Variants in NUS1 observed in about 807,000 individuals in gnomAD.
The protein encoded by NUS1 is dehydrodolichyl diphosphate synthase complex subunit NUS1.
For synonymous variants in NUS1, 135 were observed against 155.2 expected (o/e 0.87, Z 0.97); for missense variants, 292 against 382.9 (o/e 0.76, Z 1.98).
At chr6:117,699,187 GA>G (rs1367075851) in intron 3 of NUS1, among the ~76,000 whole-genome samples, 1 of 152,090 alleles carries the variant, frequency 6.6e-6, no homozygotes, top group East Asian at 1.9e-4. Flanking sequence ...AAGGCATCCA[GA>G]TTGGAAAGGA....
Position 117,675,518 on chromosome 6 carries a change from G to T in NUS1, c.-153G>T. The T allele has an allele frequency of 1.4e-6, 1 of 702,528 alleles. No homozygotes were observed. Among genetic ancestry groups the T allele is most frequent in the Non-Finnish European group, 2.3e-6 (1 of 426,884 alleles). 43.5% of individuals were successfully genotyped at this position (702,528 alleles called of 1,614,324 possible). A position where few individuals can be genotyped will look rare whatever the true frequency, so the allele number is the denominator to read the frequency against. The stretch of plus-strand genomic sequence containing the variant: ...AGGGAGGAGGAAGATGGCGGCGGGG[G>T]CGAGGTGAGGTGTTGGCAGTGGAAA... On this transcript the variant is annotated 5_prime_UTR_variant, in exon 1 of 5. Transcript: ENST00000368494.
intron 3 of NUS1, among the ~76,000 whole-genome samples, chr6:117,700,204 C>T (rs1245862437): frequency 1.3e-5 from 2 of 152,074 alleles, no homozygotes; most frequent in African/African-American, 4.8e-5. Flanking sequence ...AGTGAAAAGA[C>T]AACACAGAAT....
chr6:117,693,971 C>A, intron 2 of NUS1, 60 bp from the exon 3 acceptor site: 1 of 1,543,488 alleles, frequency 6.5e-7, no homozygotes, highest in Non-Finnish European at 8.7e-7. Context: ...CTTAAAACTG[C>A]TTTTGAAATA....
Position 117,675,843 on chromosome 6 carries a change from A to C in NUS1, c.173A>C (p.Lys58Thr), listed in dbSNP as rs776007045. The part of the protein sequence containing the change: ...VLAPLGFTLR[K>T]PPAVGRNRRH... ...GCGCCGCTCGGCTTCACGCTCCGCA[A>C]GCCCCCGGCAGTCGGCAGGAACCGC... Residue 58 changes from lysine to threonine, a missense_variant, in exon 1 of 5, where the codon AAG becomes ACG. Transcript: ENST00000368494. 6.5e-7 allele frequency: 1 copy of C among 1,540,328 alleles called. No homozygotes were observed. The highest frequency in any genetic ancestry group is 1.2e-5 in the South Asian group (1 of 83,418).
At chr6:117,706,280 G>A (rs1773500403) in intron 4 of NUS1, among the ~76,000 whole-genome samples, 1 of 152,162 alleles carries the variant, frequency 6.6e-6, no homozygotes, top group Non-Finnish European at 1.5e-5. Context: ...TTTCTAGGTT[G>A]CTCACAACAT....
intron 1 of NUS1, among the ~76,000 whole-genome samples, chr6:117,689,622 C>T (rs1582469047): frequency 6.6e-6 from 1 of 151,704 alleles, no homozygotes; most frequent in Admixed American, 6.6e-5. Flanking sequence ...AGTGTAGTGG[C>T]ATGATCATAG....
At chr6:117,676,229 T>G in intron 1 of NUS1, 144 bp downstream of exon 1, 3 of 1,263,452 alleles carry the variant, frequency 2.4e-6, no homozygotes, top group Non-Finnish European at 3.3e-6. Context: ...GGAGATCAGC[T>G]TTATTGAACA....
At chr6:117,677,060 T>C (rs1289342716) in intron 1 of NUS1, among the ~76,000 whole-genome samples, 1 of 152,170 alleles carries the variant, frequency 6.6e-6, no homozygotes, top group African/African-American at 2.4e-5. Flanking sequence ...TGTCCTCTCA[T>C]ATGTTTTGAT....
chr6:117,682,844 G>T (rs1010628683), intron 1 of NUS1, among the ~76,000 whole-genome samples: 1 of 152,118 alleles, frequency 6.6e-6, no homozygotes, highest in East Asian at 1.9e-4. Flanking sequence ...AGAATGTGAC[G>T]ACAGTAGTCA....
chr6:117,691,667 TTTAA>T (rs1052672696), intron 1 of NUS1, among the ~76,000 whole-genome samples: 20 of 147,232 alleles, frequency 1.4e-4, no homozygotes, highest in African/African-American at 5.0e-4. Context: ...ATTATATATA[TTTAA>T]TATTTATTGA....
At chr6:117,679,028 TAG>T (rs1197517439) in intron 1 of NUS1, among the ~76,000 whole-genome samples, 1 of 152,184 alleles carries the variant, frequency 6.6e-6, no homozygotes, top group African/African-American at 2.4e-5. Flanking sequence ...TATTTCTAGA[TAG>T]ATATTTAACT....
chr6:117,686,852 ATGTGTGTG>A (rs56080181), intron 1 of NUS1, among the ~76,000 whole-genome samples: 56,029 of 139,128 alleles, frequency 0.4, 12,601 homozygotes, highest in Non-Finnish European at 0.54. Flanking sequence ...TGAAGTGTGT[ATGTGTGTG>A]TGTGTGTGTG....
chr6:117,692,210 T>C (rs1242381104), intron 1 of NUS1, among the ~76,000 whole-genome samples: 1 of 152,098 alleles, frequency 6.6e-6, no homozygotes, highest in East Asian at 1.9e-4. Flanking sequence ...TATATTAGCC[T>C]GTGTTCTCTC....
chr6:117,676,062 A>G lies in NUS1; in HGVS notation c.392A>G (p.Tyr131Cys), dbSNP rs775596187. 5.2e-6 allele frequency: 8 copies of G among 1,550,656 alleles called. No homozygotes were observed. Among genetic ancestry groups the G allele is most frequent in the Non-Finnish European group, 7.0e-6 (8 of 1,147,206 alleles). ...TGGTGTATGGCCGTGGGCATCTCCTACATTAGCGTCTACGACCACCAAGGT... is the reference window on the plus strand; with the variant it reads ...TGGTGTATGGCCGTGGGCATCTCCTGCATTAGCGTCTACGACCACCAAGGT... ...VVWCMAVGISYISVYDHQGIF... is the reference protein window; with the variant it reads ...VVWCMAVGISCISVYDHQGIF... Residue 131 changes from tyrosine to cysteine, a missense_variant, in exon 1 of 5, where the codon TAC becomes TGC. Coordinates refer to ENST00000368494, the MANE Select transcript of NUS1 (RefSeq NM_138459.5).
intron 3 of NUS1, among the ~76,000 whole-genome samples, chr6:117,696,473 A>G (rs755398365): frequency 6.6e-5 from 10 of 152,148 alleles, no homozygotes; most frequent in Non-Finnish European, 1.5e-4. Flanking sequence ...TTTAATAATC[A>G]AACTATGAAA....
rs80274085 is a variant in NUS1, at chr6:117,697,005, A to C, written c.691+2825A>C. Among the ~76,000 whole-genome samples, 113 of 152,262 alleles carry C rather than the reference A, an allele frequency of 7.4e-4. 2 individuals carry two copies. The East Asian group carries it at 0.019, about 25-fold the overall frequency. On this transcript the variant is annotated intron_variant, in intron 3 of 4. Transcript: ENST00000368494. ...ACAAATAAAAACAACAGAAAGTTTT[A>C]AAATGGGGAGATGAATGTAAAGTAT... is the stretch of plus-strand genomic sequence containing the variant.
At chr6:117,684,473 GTAGC>G (rs1252845192) in intron 1 of NUS1, among the ~76,000 whole-genome samples, 6 of 152,172 alleles carry the variant, frequency 3.9e-5, no homozygotes, top group Non-Finnish European at 7.3e-5. Context: ...GATTACTGTA[GTAGC>G]CTCCTAATTG....
intron 3 of NUS1, among the ~76,000 whole-genome samples, chr6:117,696,823 T>C (rs1773327711): frequency 6.6e-6 from 1 of 152,120 alleles, no homozygotes; most frequent in African/African-American, 2.4e-5. Flanking sequence ...CAATAAATCA[T>C]CTGAAGGTAC....
chr6:117,687,896 A>T (rs1325361109), intron 1 of NUS1, among the ~76,000 whole-genome samples: 2 of 152,106 alleles, frequency 1.3e-5, no homozygotes, highest in Admixed American at 1.3e-4. Context: ...GGGGGCAGGA[A>T]CACCCACAGA....
Sources: allele counts gnomAD v4.1 joint callset (sites outside exome capture counted in the v4.1 genomes callset), GRCh38; gene constraint gnomAD v4.1.1; transcripts MANE v1.5; gene names NCBI Gene and HGNC (gene_info 2026-07-23, HGNC 2026-07-21).